The following SEMA6D variants were observed in gnomAD, a reference collection of about 807,000 sequenced individuals.
SEMA6D encodes semaphorin-6D.
In SEMA6D, 35 loss-of-function variants were observed where a neutral mutation model predicts 106.6. The observed-to-expected ratio is 0.33, with a 90% CI of 0.25 to 0.44. The LOEUF is 0.44. Among genes scored for constraint, SEMA6D ranks in the 20% least tolerant of loss-of-function variants. SEMA6D has a pLI of 1.00. For synonymous variants in SEMA6D, 499 were observed against 487.7 expected (o/e 1.02, Z -0.31); for missense variants, 1,185 against 1,345.9 (o/e 0.88, Z 1.87).
intron 1 of SEMA6D, among the ~76,000 whole-genome samples, chr15:47,324,907 T>A (rs1328386310): frequency 6.6e-6 from 1 of 152,066 alleles, no homozygotes; most frequent in Non-Finnish European, 1.5e-5. Flanking sequence ...GTAAATATAG[T>A]TTAACCTCAT....
At chr15:47,302,324 C>T (rs2036055427) in intron 1 of SEMA6D, among the ~76,000 whole-genome samples, 1 of 152,152 alleles carries the variant, frequency 6.6e-6, no homozygotes. Flanking sequence ...TTTTCTGTCT[C>T]TTGCAAGTTT....
chr15:47,344,511 G>T (rs940231679), intron 1 of SEMA6D, among the ~76,000 whole-genome samples: 15 of 152,162 alleles, frequency 9.9e-5, no homozygotes, highest in Non-Finnish European at 1.9e-4. Context: ...ACTATGCAGG[G>T]AGGGAGACCA....
intron 1 of SEMA6D, among the ~76,000 whole-genome samples, chr15:47,301,070 C>T (rs2035999852): frequency 6.6e-6 from 1 of 152,174 alleles, no homozygotes; most frequent in Non-Finnish European, 1.5e-5. Context: ...GTGGCTGGGG[C>T]TGCATGAAAA....
At chr15:47,758,191 T>C (rs2081865827) in intron 1 of SEMA6D, among the ~76,000 whole-genome samples, 1 of 152,216 alleles carries the variant, frequency 6.6e-6, no homozygotes, top group Non-Finnish European at 1.5e-5. Context: ...AAACTGGGAC[T>C]CTAAAACTCA....
intron 7 of SEMA6D, among the ~76,000 whole-genome samples, 187 bp downstream of exon 7, chr15:47,761,938 A>G (rs896513190): frequency 2.8e-4 from 43 of 152,226 alleles, no homozygotes; most frequent in African/African-American, 9.9e-4. Context: ...AGTGCACACT[A>G]TAAGTATTAT....
At chr15:47,347,330 A>T (rs2038087144) in intron 1 of SEMA6D, among the ~76,000 whole-genome samples, 1 of 152,230 alleles carries the variant, frequency 6.6e-6, no homozygotes, top group Non-Finnish European at 1.5e-5. Context: ...GATACTTCCA[A>T]CAAATGGACA....
intron 1 of SEMA6D, among the ~76,000 whole-genome samples, chr15:47,220,696 T>C (rs903941045): frequency 6.6e-6 from 1 of 152,256 alleles, no homozygotes; most frequent in South Asian, 2.1e-4. Context: ...CTAATAATTA[T>C]AGCTGCTCCA....
intron 1 of SEMA6D, among the ~76,000 whole-genome samples, chr15:47,284,309 T>G (rs1464610202): frequency 6.6e-6 from 1 of 152,200 alleles, no homozygotes; most frequent in East Asian, 1.9e-4. Context: ...AAGAGAAATT[T>G]AAAAAGTCAC....
intron 1 of SEMA6D, among the ~76,000 whole-genome samples, chr15:47,364,694 C>T (rs928019920): frequency 1.3e-5 from 2 of 152,078 alleles, no homozygotes; most frequent in Admixed American, 1.3e-4. Flanking sequence ...GTGCCCCTCC[C>T]CCAATGCTTT....
chr15:47,772,110 T>C lies in SEMA6D; in HGVS notation c.*325T>C. On this transcript the variant is annotated 3_prime_UTR_variant, in exon 19 of 19. Coordinates refer to ENST00000536845, the MANE Select transcript of SEMA6D (RefSeq NM_001358351.3). ...CTCAGAAGAATCTGTGAACAAATAC[T>C]TGAAAATGGGTTCAATGTAGACTGC... 3.8e-6 allele frequency: 1 copy of C among 266,058 alleles called. No homozygotes were observed. Among genetic ancestry groups the C allele is most frequent in the Non-Finnish European group, 7.2e-6 (1 of 139,592 alleles). 16.5% of individuals were successfully genotyped at this position (266,058 alleles called of 1,614,324 possible). A position where few individuals can be genotyped will look rare whatever the true frequency, so the allele number is the denominator to read the frequency against.
chr15:47,362,908 A>G (rs187875391), intron 1 of SEMA6D, among the ~76,000 whole-genome samples: 213 of 152,334 alleles, frequency 1.4e-3, no homozygotes, highest in African/African-American at 5.0e-3. Flanking sequence ...GGGGAAAAGT[A>G]TAAACTCTTC....
chr15:47,479,930 G>A (rs2043106406), intron 3 of SEMA6D, among the ~76,000 whole-genome samples: 2 of 143,356 alleles, frequency 1.4e-5, no homozygotes, highest in African/African-American at 2.7e-5. Context: ...GTGCAGTGAC[G>A]TAATCATAGT....
At chr15:47,245,902 A>G (rs369207945) in intron 1 of SEMA6D, among the ~76,000 whole-genome samples, 1 of 152,166 alleles carries the variant, frequency 6.6e-6, no homozygotes, top group Non-Finnish European at 1.5e-5. Flanking sequence ...TGGAGAGGAT[A>G]AGGACACAGG....
chr15:47,290,550 T>TTA (rs562162831), intron 1 of SEMA6D, among the ~76,000 whole-genome samples: 2 of 152,122 alleles, frequency 1.3e-5, no homozygotes, highest in Admixed American at 1.3e-4. Flanking sequence ...TATAAATCAT[T>TTA]TATATATATG....
intron 3 of SEMA6D, among the ~76,000 whole-genome samples, chr15:47,526,626 G>A (rs1049267759): frequency 1.8e-4 from 28 of 152,180 alleles, no homozygotes; most frequent in African/African-American, 5.8e-4. Flanking sequence ...ATGGGGGTGG[G>A]CAGCCAGCTT....
intron 2 of SEMA6D, among the ~76,000 whole-genome samples, chr15:47,443,331 A>G (rs1385723393): frequency 6.6e-6 from 1 of 152,146 alleles, no homozygotes; most frequent in Non-Finnish European, 1.5e-5. Flanking sequence ...GATGCAATGC[A>G]GTTTCCACTT....
intron 2 of SEMA6D, among the ~76,000 whole-genome samples, chr15:47,431,514 C>T (rs986975111): frequency 3.3e-5 from 5 of 152,072 alleles, no homozygotes; most frequent in Admixed American, 6.6e-5. Flanking sequence ...TACATCCTCC[C>T]GCAGTGATTC....
rs2035502632 is a variant in SEMA6D at position 47,289,365 on chromosome 15, G to C, written c.-239+104947G>C. Among the ~76,000 whole-genome samples the C allele has an allele frequency of 2.3e-5, 3 of 130,912 alleles. No homozygotes were observed. The South Asian group carries it at 7.5e-4, about 33-fold the overall frequency. The allele number at this position is 130,912 out of a possible 152,430, so 85.9% of individuals were successfully genotyped here. ...GCCAAGATCGTGCCACTGCACTCCA[G>C]CCTGGGTGACAGAGCAAAACTCCAT... is the stretch of plus-strand genomic sequence containing the variant. On this transcript the variant is annotated intron_variant, in intron 1 of 19. Coordinates refer to the SEMA6D transcript ENST00000558014.
chr15:47,315,330 A>G (rs954290489), intron 1 of SEMA6D, among the ~76,000 whole-genome samples: 8 of 152,162 alleles, frequency 5.3e-5, no homozygotes, highest in Admixed American at 2.6e-4. Context: ...CAGTTGTTTC[A>G]GCACCGTTTG....
Sources: allele counts gnomAD v4.1 joint callset (sites outside exome capture counted in the v4.1 genomes callset), GRCh38; gene constraint gnomAD v4.1.1; transcripts MANE v1.5; gene names NCBI Gene and HGNC (gene_info 2026-07-23, HGNC 2026-07-21).